Variants in PCNT observed in about 807,000 individuals in gnomAD.
The protein encoded by PCNT is kendrin.
In PCNT, 319 loss-of-function variants were observed where a neutral mutation model predicts 380.4. That is an observed-to-expected ratio of 0.84 (90% CI 0.77 to 0.92). PCNT has a LOEUF of 0.92. PCNT is among the 40% of genes least tolerant of loss of function. The pLI, the probability that PCNT is intolerant of heterozygous loss-of-function variation, is 0.00. For missense variants in PCNT, 4,400 were observed against 4,255.3 expected (o/e 1.03, Z -0.95); for synonymous variants, 1,845 against 1,735.2 (o/e 1.06, Z -1.57).
chr21:46,389,652 T>C (rs977450666), intron 19 of PCNT, among the ~76,000 whole-genome samples: 1 of 152,284 alleles, frequency 6.6e-6, no homozygotes, highest in Non-Finnish European at 1.5e-5. Context: ...CTTTACTTCA[T>C]GCACTGTTGC....
In PCNT at chr21:46,444,739, T is replaced by C; in HGVS notation, c.9885T>C (p.Ala3295=). 7.4e-6 allele frequency: 12 copies of C among 1,613,380 alleles called. No individual in the cohort carries two copies. Among genetic ancestry groups the C allele is most frequent in the Non-Finnish European group, 1.0e-5 (12 of 1,179,396 alleles). ...PNSRLERSLT[A]SQDPEHSLTE... ...CAAGATTAGAAAGATCCCTGACTGC[T>C]TCTCAAGATCCAGAACATTCCTTGA... Residue 3295 remains alanine, a synonymous_variant, in exon 46 of 47, where the codon GCT becomes GCC. Coordinates refer to ENST00000359568, the MANE Select transcript of PCNT (RefSeq NM_006031.6).
At chr21:46,403,323 A>G (rs2086496624) in intron 27 of PCNT, among the ~76,000 whole-genome samples, 1 of 138,088 alleles carries the variant, frequency 7.2e-6, no homozygotes, top group Non-Finnish European at 1.6e-5. Context: ...GCGTGGGAGA[A>G]TTGTGTGTGT....
intron 15 of PCNT, among the ~76,000 whole-genome samples, chr21:46,368,648 T>C (rs2085013719): frequency 6.6e-6 from 1 of 152,210 alleles, no homozygotes; most frequent in Non-Finnish European, 1.5e-5. Context: ...TCTCTGAGGT[T>C]TTCTCACCTT....
chr21:46,399,482 G>A, intron 24 of PCNT, 108 bp from the exon 25 acceptor site: 2 of 797,254 alleles, frequency 2.5e-6, no homozygotes, highest in Non-Finnish European at 2.2e-6. Flanking sequence ...CTAGGGGAGG[G>A]CATAGGGCAT....
chr21:46,372,846 G>C (rs1399531506), intron 15 of PCNT, among the ~76,000 whole-genome samples: 2 of 152,174 alleles, frequency 1.3e-5, no homozygotes, highest in East Asian at 3.9e-4. Flanking sequence ...ACCCTGCTGG[G>C]TATCGTGTGG....
chr21:46,423,663 C>T (rs2087347833), intron 32 of PCNT, among the ~76,000 whole-genome samples: 1 of 112,956 alleles, frequency 8.9e-6, no homozygotes, highest in Non-Finnish European at 1.8e-5. Context: ...GGAAAGGCCT[C>T]CTGTAGCCCT....
chr21:46,405,433 C>T (rs1330628069), intron 27 of PCNT, among the ~76,000 whole-genome samples: 1 of 152,322 alleles, frequency 6.6e-6, no homozygotes, highest in African/African-American at 2.4e-5. Flanking sequence ...AGCGGTGGCT[C>T]ACGCCTGTAA....
chr21:46,384,913 T>C (rs1323574897), intron 16 of PCNT, among the ~76,000 whole-genome samples: 1 of 152,244 alleles, frequency 6.6e-6, no homozygotes, highest in East Asian at 1.9e-4. Flanking sequence ...CATGGTGTTG[T>C]GCGTAGTTCA....
chr21:46,379,455 C>T (rs1156471389), intron 15 of PCNT, among the ~76,000 whole-genome samples: 3 of 152,154 alleles, frequency 2.0e-5, no homozygotes, highest in Non-Finnish European at 4.4e-5. Context: ...GTTTGTCCTA[C>T]TTGGAGTTCA....
chr21:46,368,535 C>T (rs2085009945), intron 15 of PCNT, among the ~76,000 whole-genome samples: 1 of 152,224 alleles, frequency 6.6e-6, no homozygotes, highest in Admixed American at 6.5e-5. Context: ...CCCTCTTGCC[C>T]TGGGCTGGCG....
At chr21:46,324,682 C>T (rs2083303693) in intron 1 of PCNT, among the ~76,000 whole-genome samples, 1 of 151,916 alleles carries the variant, frequency 6.6e-6, no homozygotes, top group African/African-American at 2.4e-5. Context: ...AGGCGCTGGA[C>T]CCCAGGCTGG....
chr21:46,333,046 A>G (rs2083606695), intron 2 of PCNT, among the ~76,000 whole-genome samples: 1 of 151,636 alleles, frequency 6.6e-6, no homozygotes, highest in Non-Finnish European at 1.5e-5. Flanking sequence ...CCAGGAGGTT[A>G]AGGTTGCAGT....
intron 42 of PCNT, among the ~76,000 whole-genome samples, 157 bp from the exon 43 acceptor site, chr21:46,440,698 C>A (rs1337625111): frequency 6.9e-6 from 1 of 145,552 alleles, no homozygotes; most frequent in Non-Finnish European, 1.5e-5. Context: ...AAGGTTGTTT[C>A]TGGCCACAGA....
chr21:46,344,141 T>C (rs2083992789), intron 3 of PCNT, among the ~76,000 whole-genome samples: 1 of 151,932 alleles, frequency 6.6e-6, no homozygotes, highest in South Asian at 2.1e-4. Flanking sequence ...CTCTGTTCAC[T>C]GCAAGCTCTG....
In PCNT at chr21:46,349,005, A is replaced by G; in HGVS notation, c.1033-7A>G. 6.5e-7 allele frequency: 1 copy of G among 1,538,760 alleles called. No homozygotes were observed. The highest frequency in any genetic ancestry group is 9.0e-7 in the Non-Finnish European group (1 of 1,113,454). Reference sequence around the variant, plus strand: ...ATTGAGTTTAATTTTTTTTTCTTTTAAATTAGACCCTGAAGGAAGATTGGG... The same window carrying G: ...ATTGAGTTTAATTTTTTTTTCTTTTGAATTAGACCCTGAAGGAAGATTGGG... On this transcript the variant is annotated splice_region_variant and splice_polypyrimidine_tract_variant and intron_variant, in intron 6 of 46. Transcript: ENST00000359568.
chr21:46,384,706 G>A (rs1037224041), intron 16 of PCNT, among the ~76,000 whole-genome samples: 3 of 150,764 alleles, frequency 2.0e-5, no homozygotes, highest in African/African-American at 2.4e-5. Flanking sequence ...GGTGTTGTGC[G>A]TTGAGCGGCG....
intron 1 of PCNT, chr21:46,325,083 C>G (rs1569150586): frequency 6.1e-6 from 6 of 985,392 alleles, no homozygotes; most frequent in East Asian, 1.1e-4. Context: ...TGAAAAAGCG[C>G]TCGGTTTGAT....
intron 33 of PCNT, among the ~76,000 whole-genome samples, chr21:46,426,887 A>G (rs2087530578): frequency 6.6e-6 from 1 of 152,142 alleles, no homozygotes. Flanking sequence ...GAGGGAGGGA[A>G]GGGCTTTCTC....
At position 46,388,439 on chromosome 21, in the gene PCNT, C is replaced by T. The variant is rs1027596106; in HGVS notation, c.3465-303C>T. 3.9e-5 allele frequency among the ~76,000 whole-genome samples: 6 copies of T among 152,210 alleles called. 1 individual carries two copies. The South Asian group carries it at 1.0e-3, about 26-fold the overall frequency. On this transcript the variant is annotated intron_variant, in intron 17 of 46. Coordinates refer to ENST00000359568, the MANE Select transcript of PCNT (RefSeq NM_006031.6). This position sits in a 1 kb window ranked among gnomAD's most constrained non-coding sequence, Gnocchi z 4.2. ...GGTGATTGACGCTGTGCGGCCACAT[C>T]GCACACCTGCGGGACGGGTTTGCCG... is the stretch of plus-strand genomic sequence containing the variant.
Sources: gnomAD v4.1 joint callset for allele counts (sites outside exome capture counted in the v4.1 genomes callset) on GRCh38, gnomAD v4.1.1 for gene constraint, Gnocchi (gnomAD v3.1) non-coding constraint, MANE v1.5 for transcripts, NCBI Gene and HGNC (gene_info 2026-07-23, HGNC 2026-07-21) for gene names.